Variants in PDXDC1 observed in about 807,000 individuals in gnomAD.
PDXDC1 encodes the protein pyridoxal-dependent decarboxylase domain-containing protein 1.
Under a neutral mutation model 100.1 loss-of-function variants are expected in PDXDC1, and 42 were observed. The observed-to-expected ratio is 0.42, with a 90% CI of 0.33 to 0.54. The LOEUF is 0.54. PDXDC1 is among the 20% of genes least tolerant of loss of function. The pLI, the probability that PDXDC1 is intolerant of heterozygous loss-of-function variation, is 0.10. For synonymous variants in PDXDC1, 260 were observed against 371.7 expected (o/e 0.70, Z 3.46); for missense variants, 636 against 979.2 (o/e 0.65, Z 4.68).
chr16:15,023,223 T>C (rs564033509), intron 13 of PDXDC1, among the ~76,000 whole-genome samples: 1 of 152,290 alleles, frequency 6.6e-6, no homozygotes, highest in Non-Finnish European at 1.5e-5. Flanking sequence ...TCTTCTGATA[T>C]CTTCCTGAAG....
chr16:15,070,256 T>C (rs751753072), intron 16 of PDXDC1: 9 of 1,611,286 alleles, frequency 5.6e-6, no homozygotes, highest in African/African-American at 2.7e-5. Flanking sequence ...TTTACAGTAC[T>C]AGAGAAAAGA....
chr16:15,151,829 G>A, the PDXDC1 span, among the ~76,000 whole-genome samples: 4 of 132,770 alleles, frequency 3.0e-5, no homozygotes, highest in South Asian at 2.5e-4. Context: ...TACTCGGGAG[G>A]CTGAGGCAGG....
chr16:14,979,405 T>C (rs2151144349), intron 1 of PDXDC1, among the ~76,000 whole-genome samples: 1 of 152,410 alleles, frequency 6.6e-6, no homozygotes, highest in African/African-American at 2.4e-5. Flanking sequence ...TTCTCCTGCC[T>C]CAGCCTCTCA....
intron 16 of PDXDC1, among the ~76,000 whole-genome samples, chr16:15,084,055 A>G (rs1277012539): frequency 6.6e-6 from 1 of 152,218 alleles, no homozygotes; most frequent in Non-Finnish European, 1.5e-5. Context: ...GAGAAAATCT[A>G]TAACGACTTA....
At chr16:14,987,589 A>G (rs796488506) in intron 1 of PDXDC1, among the ~76,000 whole-genome samples, 5 of 152,408 alleles carry the variant, frequency 3.3e-5, no homozygotes, top group Non-Finnish European at 7.3e-5. Flanking sequence ...CTTCCGAGGA[A>G]CTTGACATAG....
intron 16 of PDXDC1, chr16:15,132,771 G>A: frequency 1.7e-6 from 2 of 1,156,892 alleles, no homozygotes; most frequent in Non-Finnish European, 1.3e-6. Flanking sequence ...TCCACAGTGT[G>A]GACCCTCAGG....
intron 16 of PDXDC1, among the ~76,000 whole-genome samples, chr16:15,092,025 A>C (rs1270047791): frequency 1.3e-5 from 2 of 152,110 alleles, no homozygotes; most frequent in Non-Finnish European, 2.9e-5. Flanking sequence ...AAAAAAATAA[A>C]AAAATTAGCC....
At chr16:15,125,527 C>G (rs904286649) in intron 16 of PDXDC1, 4 of 1,561,024 alleles carry the variant, frequency 2.6e-6, no homozygotes, top group Admixed American at 1.7e-5. Context: ...CACCAGGGCT[C>G]GAGGTTTCTC....
intron 1 of PDXDC1, among the ~76,000 whole-genome samples, chr16:14,990,585 A>G (rs1232167844): frequency 6.6e-6 from 1 of 152,268 alleles, no homozygotes; most frequent in African/African-American, 2.4e-5. Flanking sequence ...AATACTTTAT[A>G]TTTTGAATTA....
At position 15,036,244 on chromosome 16, in the gene PDXDC1, C is replaced by G; in HGVS notation, c.2336C>G (p.Ser779Ter). The change falls in exon 23 of 23, where the codon TCA becomes TGA. Residue 779 changes from serine to a stop codon, truncating the protein, a stop_gained. Coordinates refer to ENST00000396410, the MANE Select transcript of PDXDC1 (RefSeq NM_015027.4). LOFTEE classifies it high-confidence loss of function. ...GTCCCACACCCAGAAGATGACCACT[C>G]ACAGGTAGAAGGACCGGAGAGCTTA... Reference protein sequence around the residue: ...KGVPHPEDDHSQVEGPESLR With the variant: ...KGVPHPEDDH The G allele has an allele frequency of 3.1e-6, 5 of 1,614,028 alleles. No homozygotes were observed. The highest frequency in any genetic ancestry group is 4.2e-6 in the Non-Finnish European group (5 of 1,179,904).
intron 16 of PDXDC1, chr16:15,135,807 G>C (rs1447043451): frequency 7.3e-6 from 11 of 1,499,332 alleles, no homozygotes; most frequent in Non-Finnish European, 9.3e-6. Flanking sequence ...AGGCGCTCAG[G>C]GGCCACCGTC....
chr16:15,067,906 G>A (rs1482584998), intron 16 of PDXDC1, among the ~76,000 whole-genome samples: 1 of 151,404 alleles, frequency 6.6e-6, no homozygotes, highest in Admixed American at 6.6e-5. Context: ...TACAGGCACA[G>A]GCAACCACAC....
chr16:15,132,393 A>G, intron 16 of PDXDC1, among the ~76,000 whole-genome samples: 1 of 40,772 alleles, frequency 2.5e-5, no homozygotes, highest in Non-Finnish European at 4.7e-5. Context: ...GGGAGGGGTT[A>G]GGGGAGGGAA....
Position 15,026,398 on chromosome 16 carries a change from T to C in PDXDC1, c.1141-245T>C, listed in dbSNP as rs7184725. ...TTATTAAAATTTCCCCCTGCTTTAATTTCAATGTACCAGGGTCAAACATCT... is the reference window on the plus strand; with the variant it reads ...TTATTAAAATTTCCCCCTGCTTTAACTTCAATGTACCAGGGTCAAACATCT... On this transcript the variant is annotated intron_variant, in intron 13 of 22. Transcript: ENST00000396410. 2.6e-3 allele frequency: 1,379 copies of C among 535,936 alleles called. 2 individuals carry two copies. The highest frequency in any genetic ancestry group is 0.02 in the African/African-American group (1,044 of 52,476). The allele number at this position is 535,936 out of a possible 1,614,324, so 33.2% of individuals were successfully genotyped here.
chr16:15,014,352 T>G (rs1303068037), intron 8 of PDXDC1, among the ~76,000 whole-genome samples: 7 of 152,298 alleles, frequency 4.6e-5, no homozygotes, highest in Admixed American at 3.9e-4. Flanking sequence ...GGCTGCAGTT[T>G]GCATGTGACT....
intron 16 of PDXDC1, 59 bp from the exon 17 acceptor site, chr16:15,031,676 C>A: frequency 6.9e-7 from 1 of 1,442,466 alleles, no homozygotes. Flanking sequence ...AGAGGGAGCC[C>A]TGCCCTCTTG....
At chr16:15,018,252 A>C (rs973488976) in intron 11 of PDXDC1, among the ~76,000 whole-genome samples, 1 of 152,210 alleles carries the variant, frequency 6.6e-6, no homozygotes, top group Non-Finnish European at 1.5e-5. Context: ...AAAAACAACA[A>C]CAAAGAATTA....
At chr16:15,041,443 C>G (rs1185227376), downstream of PDXDC1, among the ~76,000 whole-genome samples, 1 of 152,056 alleles carries the variant, frequency 6.6e-6, no homozygotes, top group African/African-American at 2.4e-5. Flanking sequence ...AACTGAGGCT[C>G]GGCAGATGGT....
intron 16 of PDXDC1, among the ~76,000 whole-genome samples, chr16:15,099,147 G>A (rs1400785401): frequency 1.3e-5 from 2 of 151,992 alleles, no homozygotes; most frequent in African/African-American, 4.8e-5. Context: ...TACTGGCCGG[G>A]CCCTGTGGCT....
Sources: gnomAD v4.1 joint callset for allele counts (sites outside exome capture counted in the v4.1 genomes callset) on GRCh38, gnomAD v4.1.1 for gene constraint, MANE v1.5 for transcripts, NCBI Gene and HGNC (gene_info 2026-07-23, HGNC 2026-07-21) for gene names.